ZFAND6: variants seen among roughly 807,000 people sequenced by gnomAD.
The protein encoded by ZFAND6 is AN1-type zinc finger protein 6.
In ZFAND6, 12 loss-of-function variants were observed where a neutral mutation model predicts 24.5. The ratio of observed to expected loss-of-function variants is 0.49; its 90% confidence interval spans 0.31 to 0.79. ZFAND6 has a LOEUF of 0.79. ZFAND6 is among the 30% of genes least tolerant of loss of function. The pLI is 0.04. For synonymous variants in ZFAND6, 92 were observed against 81.5 expected, an observed-to-expected ratio of 1.13 and a Z score of -0.69; for missense variants, 207 against 245.9, an observed-to-expected ratio of 0.84 and a Z score of 1.06.
intron 1 of ZFAND6, among the ~76,000 whole-genome samples, chr15:80,064,024 A>G (rs1220192777): frequency 6.6e-6 from 1 of 152,254 alleles, no homozygotes; most frequent in African/African-American, 2.4e-5. Context: ...GTAGCCACAT[A>G]TGACTAGTGG....
chr15:80,064,889 C>A (rs2036529959), intron 1 of ZFAND6, among the ~76,000 whole-genome samples: 1 of 152,056 alleles, frequency 6.6e-6, no homozygotes. Context: ...GCCTTGGCCT[C>A]CCTAAGTGCT....
chr15:80,079,675 A>C (rs1441476470), intron 1 of ZFAND6, among the ~76,000 whole-genome samples: 19 of 126,296 alleles, frequency 1.5e-4, no homozygotes, highest in Admixed American at 5.5e-4. Flanking sequence ...TTTGAAATGG[A>C]GTCTCGCTGT....
intron 6 of ZFAND6, among the ~76,000 whole-genome samples, chr15:80,132,102 AC>A (rs2142054815): frequency 6.6e-6 from 1 of 152,356 alleles, no homozygotes; most frequent in Non-Finnish European, 1.5e-5. Context: ...CTGCAGTCCA[AC>A]AGGAATAAAG....
At chr15:80,112,209 G>A (rs949062180) in intron 2 of ZFAND6, among the ~76,000 whole-genome samples, 2 of 152,124 alleles carry the variant, frequency 1.3e-5, no homozygotes, top group Non-Finnish European at 2.9e-5. Flanking sequence ...GCAGTGAGCC[G>A]AGACTGCGCC....
intron 5 of ZFAND6, 116 bp downstream of exon 5, chr15:80,122,916 A>G (rs1047586949): frequency 3.3e-6 from 2 of 603,702 alleles, no homozygotes; most frequent in Admixed American, 3.2e-5. Context: ...TGTTTTCCCT[A>G]TGAACACAAT....
At chr15:80,116,172 T>C (rs998703371) in intron 2 of ZFAND6, among the ~76,000 whole-genome samples, 8 of 152,066 alleles carry the variant, frequency 5.3e-5, no homozygotes, top group Non-Finnish European at 8.8e-5. Context: ...GGTCTGTTTA[T>C]GTATTTTATG....
chr15:80,120,273 T>C, intron 2 of ZFAND6, 55 bp from the exon 3 acceptor site: 1 of 1,355,574 alleles, frequency 7.4e-7, no homozygotes, highest in South Asian at 2.0e-5. Flanking sequence ...TTTTGGATAA[T>C]GTGTGATTGG....
intron 1 of ZFAND6, among the ~76,000 whole-genome samples, chr15:80,080,494 G>T (rs185326489): frequency 2.9e-4 from 44 of 152,192 alleles, no homozygotes; most frequent in African/African-American, 1.0e-3. Context: ...AACAATAATA[G>T]AATAATTATA....
intron 4 of ZFAND6, among the ~76,000 whole-genome samples, chr15:80,122,150 A>G (rs781394723): frequency 2.0e-5 from 3 of 152,154 alleles, no homozygotes; most frequent in Non-Finnish European, 2.9e-5. Flanking sequence ...AAAAAAATAC[A>G]GTCTTGTCAC....
chr15:80,112,932 A>G, intron 2 of ZFAND6: 1 of 448,396 alleles, frequency 2.2e-6, no homozygotes, highest in Non-Finnish European at 4.5e-6. Context: ...TCTGGGATCC[A>G]TTTGATACAA....
At chr15:80,102,939 T>C (rs1488693360) in intron 2 of ZFAND6, among the ~76,000 whole-genome samples, 2 of 152,226 alleles carry the variant, frequency 1.3e-5, no homozygotes, top group Non-Finnish European at 2.9e-5. Context: ...GAAAATCATA[T>C]GTAATTGAAT....
rs371668232 is a variant in ZFAND6 at position 80,100,901 on chromosome 15, GGGC to G, written c.-18+2324_-18+2326del. Among the ~76,000 whole-genome samples the G allele has an allele frequency of 3.0e-4, 46 of 152,048 alleles. 1 individual carries two copies. Among genetic ancestry groups the G allele is most frequent in the Admixed American group, 2.6e-4 (4 of 15,258 alleles). ...CTGAGCAAATTTCTTAAACCTTCCT[GGGC>G]CTCAGTTGTGTAATCTGTAAAATAG... On this transcript the variant is annotated intron_variant, in intron 2 of 6. Transcript: ENST00000261749.
chr15:80,131,441 A>G, intron 6 of ZFAND6, 148 bp downstream of exon 6: 3 of 604,218 alleles, frequency 5.0e-6, no homozygotes, highest in Non-Finnish European at 8.1e-6. Flanking sequence ...TTAAGGAAAT[A>G]AAAATAGCTT....
At chr15:80,086,169 G>T (rs1380590401) in intron 1 of ZFAND6, among the ~76,000 whole-genome samples, 1 of 151,800 alleles carries the variant, frequency 6.6e-6, no homozygotes, top group Non-Finnish European at 1.5e-5. Context: ...CTCCCAAGTA[G>T]CTGGGATTAC....
chr15:80,107,555 T>C (rs543340068), intron 2 of ZFAND6, among the ~76,000 whole-genome samples: 5 of 152,146 alleles, frequency 3.3e-5, no homozygotes, highest in Non-Finnish European at 5.9e-5. Flanking sequence ...CTGGGCGCAG[T>C]GTTTCATGCC....
chr15:80,065,002 CT>C (rs371580044), intron 1 of ZFAND6, among the ~76,000 whole-genome samples: 1,992 of 68,130 alleles, frequency 0.029, 35 homozygotes, highest in African/African-American at 0.093. Context: ...CTCTCTCCCC[CT>C]TTTTTTTTTT....
intron 1 of ZFAND6, among the ~76,000 whole-genome samples, chr15:80,095,750 T>C (rs985884464): frequency 6.6e-6 from 1 of 152,224 alleles, no homozygotes; most frequent in African/African-American, 2.4e-5. Context: ...AGTTCTGTAC[T>C]CTGTACCACG....
At chr15:80,125,157 A>G (rs1480770142) in intron 5 of ZFAND6, among the ~76,000 whole-genome samples, 4 of 152,276 alleles carry the variant, frequency 2.6e-5, no homozygotes, top group African/African-American at 9.6e-5. Flanking sequence ...CAGGGACCTA[A>G]CTCATAGAGG....
At chr15:80,124,784 G>A (rs768363279) in intron 5 of ZFAND6, among the ~76,000 whole-genome samples, 8 of 152,004 alleles carry the variant, frequency 5.3e-5, no homozygotes, top group Admixed American at 2.0e-4. Flanking sequence ...CTTAGCATTC[G>A]TAATATCAGC....
Sources: allele counts gnomAD v4.1 joint callset (sites outside exome capture counted in the v4.1 genomes callset), GRCh38; gene constraint gnomAD v4.1.1; transcripts MANE v1.5; gene names NCBI Gene and HGNC (gene_info 2026-07-23, HGNC 2026-07-21).